Variants in C2orf76 observed in about 807,000 individuals in gnomAD.
The protein encoded by C2orf76 is chromosome 2 open reading frame 76.
In C2orf76, 23 loss-of-function variants were observed where a neutral mutation model predicts 16.9. The ratio of observed to expected loss-of-function variants is 1.36; its 90% confidence interval spans 0.98 to 1.93. The LOEUF (loss-of-function observed/expected upper bound fraction) is 1.93. Ranked by LOEUF, C2orf76 falls within the 30% of genes most tolerant of loss-of-function variation. The probability of loss-of-function intolerance (pLI) is 0.00; values close to 1 mark genes in which losing one functional copy is unlikely to be tolerated. For missense variants in C2orf76, 152 were observed against 152.6 expected (o/e 1.00, Z 0.02); for synonymous variants, 48 against 52.3 (o/e 0.92, Z 0.35).
chr2:119,281,517 TAA>T, the C2orf76 span, among the ~76,000 whole-genome samples: 5,333 of 87,322 alleles, frequency 0.061, 296 homozygotes, highest in African/African-American at 0.26. Flanking sequence ...ACAAAGAAAA[TAA>T]AAAGAGAGAG....
chr2:119,326,600 A>G (rs1000353328), intron 2 of C2orf76, among the ~76,000 whole-genome samples: 10 of 29,580 alleles, frequency 3.4e-4, no homozygotes, highest in African/African-American at 1.6e-3. Flanking sequence ...TCTGAAAGGA[A>G]AAAAAAAAGC....
chr2:119,301,758 G>C (rs925955989), downstream of C2orf76, among the ~76,000 whole-genome samples: 26 of 152,052 alleles, frequency 1.7e-4, no homozygotes, highest in African/African-American at 6.3e-4. Flanking sequence ...TGTTCTCAAT[G>C]AACAATTTTC....
rs551171837 is a variant in C2orf76, at chr2:119,337,235, T to G, written c.133+2592A>C. Among the ~76,000 whole-genome samples the G allele has an allele frequency of 6.3e-4, 64 of 101,190 alleles. 1 individual carries two copies. The South Asian group carries it at 9.8e-3, about 16-fold the overall frequency. The allele number at this position is 101,190 out of a possible 152,430, so 66.4% of individuals were successfully genotyped here. A position where few individuals can be genotyped will look rare whatever the true frequency, so the allele number is the denominator to read the frequency against. Reference sequence around the variant, plus strand: ...ATGCCCAGCTAGTTTTTTGGGGTTTTGTTTTGTTTTTTTTTTGGAGAGACA... The same window carrying G: ...ATGCCCAGCTAGTTTTTTGGGGTTTGGTTTTGTTTTTTTTTTGGAGAGACA... On this transcript the variant is annotated intron_variant, in intron 2 of 5. Coordinates refer to ENST00000334816, the MANE Select transcript of C2orf76 (RefSeq NM_001322331.2).
chr2:119,359,910 AT>A (rs1481421191), intron 1 of C2orf76, among the ~76,000 whole-genome samples: 1 of 152,220 alleles, frequency 6.6e-6, no homozygotes, highest in African/African-American at 2.4e-5. Context: ...ATTGACTCCA[AT>A]TTTGAAAGTT....
intron 4 of C2orf76, among the ~76,000 whole-genome samples, chr2:119,314,942 T>C (rs945855034): frequency 6.6e-6 from 1 of 152,184 alleles, no homozygotes; most frequent in Non-Finnish European, 1.5e-5. Flanking sequence ...AGGAGTTCAC[T>C]TTAATGGGTC....
intron 1 of C2orf76, among the ~76,000 whole-genome samples, chr2:119,353,580 T>C (rs1680473488): frequency 7.3e-6 from 1 of 136,132 alleles, no homozygotes; most frequent in Admixed American, 7.8e-5. Flanking sequence ...TTTTTGAGAG[T>C]CTCGCTGGAG....
chr2:119,309,181 T>C (rs115960923), intron 5 of C2orf76, among the ~76,000 whole-genome samples: 2 of 152,086 alleles, frequency 1.3e-5, no homozygotes, highest in African/African-American at 4.8e-5. Context: ...CATGAGCCAC[T>C]GCACCTGGCC....
chr2:119,330,936 G>T (rs753325679), intron 2 of C2orf76, among the ~76,000 whole-genome samples: 64 of 151,910 alleles, frequency 4.2e-4, no homozygotes, highest in Non-Finnish European at 8.2e-4. Flanking sequence ...CTAGCTTCTC[G>T]AACATTTTGC....
At chr2:119,302,631 T>A (rs1678650415) in intron 5 of C2orf76, 83 bp from the exon 6 acceptor site, 1 of 778,122 alleles carries the variant, frequency 1.3e-6, no homozygotes, top group Non-Finnish European at 1.9e-6. Flanking sequence ...ATGACTTTGA[T>A]TCGGTATTTC....
At chr2:119,295,795 T>C in the C2orf76 span, among the ~76,000 whole-genome samples, 1 of 152,162 alleles carries the variant, frequency 6.6e-6, no homozygotes, top group South Asian at 2.1e-4. Flanking sequence ...TCTTAAAATC[T>C]CATGGCCTAC....
Position 119,324,499 on chromosome 2 carries a change from C to T in C2orf76, c.134-3295G>A, listed in dbSNP as rs114651965. On this transcript the variant is annotated intron_variant, in intron 2 of 5. Transcript: ENST00000334816. ...ACCTAGGACCATGTCCGGCCCATAA[C>T]AAATTATCACAAACTGCTTCCATGA... 4.0e-3 allele frequency among the ~76,000 whole-genome samples: 614 copies of T among 152,316 alleles called. 4 individuals carry two copies. Among genetic ancestry groups the T allele is most frequent in the African/African-American group, 0.011 (465 of 41,566 alleles).
chr2:119,337,251 T>C (rs1291843815), intron 2 of C2orf76, among the ~76,000 whole-genome samples: 1 of 144,286 alleles, frequency 6.9e-6, no homozygotes, highest in African/African-American at 2.6e-5. Flanking sequence ...GTTTTTTTTT[T>C]GGAGAGACAG....
chr2:119,366,850 C>T (rs1312216263), upstream of C2orf76: 10 of 670,074 alleles, frequency 1.5e-5, no homozygotes, highest in Admixed American at 2.3e-4. Flanking sequence ...CACGTGGGCT[C>T]GGGCGGGGCT....
intron 2 of C2orf76, among the ~76,000 whole-genome samples, chr2:119,323,477 T>C (rs757227125): frequency 4.6e-5 from 7 of 152,132 alleles, no homozygotes; most frequent in Non-Finnish European, 7.4e-5. Context: ...CAGCGTGTGC[T>C]CCAGTGGTGA....
chr2:119,360,433 C>A (rs1680707315), intron 1 of C2orf76, among the ~76,000 whole-genome samples: 1 of 139,896 alleles, frequency 7.1e-6, no homozygotes, highest in African/African-American at 2.7e-5. Flanking sequence ...GCTGAGACTG[C>A]ACCATTGCAC....
At chr2:119,336,225 C>G (rs865971159) in intron 2 of C2orf76, among the ~76,000 whole-genome samples, 4 of 151,898 alleles carry the variant, frequency 2.6e-5, no homozygotes, top group Non-Finnish European at 4.4e-5. Context: ...GAAACCCCAT[C>G]TCTACTAAAA....
chr2:119,311,727 C>G (rs1399824732), intron 4 of C2orf76, 24 bp from the exon 5 acceptor site: 1 of 1,578,782 alleles, frequency 6.3e-7, no homozygotes, highest in South Asian at 1.1e-5. Flanking sequence ...AGAAAATCTG[C>G]ATTTTATCAG....
At chr2:119,349,362 A>G (rs142010128) in intron 1 of C2orf76, among the ~76,000 whole-genome samples, 1 of 152,320 alleles carries the variant, frequency 6.6e-6, no homozygotes, top group African/African-American at 2.4e-5. Flanking sequence ...CCAAACTTAC[A>G]GAGTACTGGA....
Position 119,351,577 on chromosome 2 carries a change from T to A in C2orf76, c.-12-11606A>T, listed in dbSNP as rs143965665. ...ATCAGCCTGGGCAACATAGCAAGAC[T>A]CTGTCTCTACAAAAAAAAATACCAA... On this transcript the variant is annotated intron_variant, in intron 1 of 5. Coordinates refer to ENST00000334816, the MANE Select transcript of C2orf76 (RefSeq NM_001322331.2). Among the ~76,000 whole-genome samples the A allele has an allele frequency of 2.5e-3, 387 of 151,896 alleles. 3 individuals carry two copies. Among genetic ancestry groups the A allele is most frequent in the African/African-American group, 8.9e-3 (367 of 41,464 alleles).
Sources: allele counts gnomAD v4.1 joint callset (sites outside exome capture counted in the v4.1 genomes callset), GRCh38; gene constraint gnomAD v4.1.1; transcripts MANE v1.5; gene names NCBI Gene and HGNC (gene_info 2026-07-23, HGNC 2026-07-21).